Variants in PRKN observed in about 807,000 individuals in gnomAD.
The protein encoded by PRKN is E3 ubiquitin-protein ligase parkin.
In PRKN, 56 loss-of-function variants were observed where a neutral mutation model predicts 59.5. The ratio of observed to expected loss-of-function variants is 0.94; its 90% CI spans 0.76 to 1.18. The LOEUF is 1.18. Among genes scored for constraint, PRKN ranks in the 50% most tolerant of loss-of-function variants. The pLI is 0.00. For synonymous variants in PRKN, 250 were observed against 222.1 expected (o/e 1.13, Z -1.12); for missense variants, 657 against 596.4 (o/e 1.10, Z -1.06).
At chr6:162,230,300 G>T (rs1292181548) in intron 3 of PRKN, among the ~76,000 whole-genome samples, 1 of 152,224 alleles carries the variant, frequency 6.6e-6, no homozygotes, top group Non-Finnish European at 1.5e-5. Flanking sequence ...TATGACAACA[G>T]TGACGGTTCA....
chr6:162,407,055 G>C (rs1429714869), intron 2 of PRKN, among the ~76,000 whole-genome samples: 1 of 151,972 alleles, frequency 6.6e-6, no homozygotes, highest in Non-Finnish European at 1.5e-5. Context: ...CTAAACGAGG[G>C]TTGGAAATAC....
chr6:161,760,602 TC>T (rs750600823), intron 7 of PRKN, among the ~76,000 whole-genome samples: 2 of 151,924 alleles, frequency 1.3e-5, no homozygotes, highest in Non-Finnish European at 2.9e-5. Flanking sequence ...AGTCCCTGTT[TC>T]CCCCTTTTCT....
chr6:162,097,408 T>C (rs1779791753), intron 4 of PRKN, among the ~76,000 whole-genome samples: 1 of 152,170 alleles, frequency 6.6e-6, no homozygotes, highest in Admixed American at 6.5e-5. Context: ...ATTTGACAAA[T>C]GGATGACCGA....
chr6:161,670,347 G>A (rs1232082844), intron 7 of PRKN, among the ~76,000 whole-genome samples: 3 of 152,154 alleles, frequency 2.0e-5, no homozygotes, highest in African/African-American at 4.8e-5. Context: ...TGTTGGTGGA[G>A]CTGCTTCCTT....
intron 9 of PRKN, among the ~76,000 whole-genome samples, chr6:161,543,665 GTTTCTGGA>G (rs1779696287): frequency 6.6e-6 from 1 of 152,104 alleles, no homozygotes; most frequent in African/African-American, 2.4e-5. Flanking sequence ...GCCACATTTT[GTTTCTGGA>G]TTTCTAATTA....
intron 6 of PRKN, among the ~76,000 whole-genome samples, chr6:161,870,736 T>C (rs1382097203): frequency 6.6e-6 from 1 of 152,216 alleles, no homozygotes; most frequent in East Asian, 1.9e-4. Flanking sequence ...GATTAATTAC[T>C]GACCATATAT....
intron 7 of PRKN, among the ~76,000 whole-genome samples, chr6:161,594,318 AGC>A (rs1468515188): frequency 2.6e-5 from 4 of 152,190 alleles, no homozygotes; most frequent in Admixed American, 6.5e-5. Context: ...TCCCCATCCC[AGC>A]TCTGTCTTAT....
At chr6:161,818,950 G>A (rs552537120) in intron 6 of PRKN, among the ~76,000 whole-genome samples, 1 of 152,278 alleles carries the variant, frequency 6.6e-6, no homozygotes, top group African/African-American at 2.4e-5. Context: ...CATCTAACAT[G>A]TACTGTGGTT....
At chr6:161,995,294 T>C (rs1413610793) in intron 5 of PRKN, among the ~76,000 whole-genome samples, 1 of 152,006 alleles carries the variant, frequency 6.6e-6, no homozygotes, top group Non-Finnish European at 1.5e-5. Context: ...GACTTAAACA[T>C]AAAACCCCAA....
intron 8 of PRKN, among the ~76,000 whole-genome samples, chr6:161,567,409 T>C (rs142632458): frequency 6.6e-6 from 1 of 152,290 alleles, no homozygotes; most frequent in Non-Finnish European, 1.5e-5. Context: ...TAATATACAC[T>C]AAATGTGTTT....
rs1003225772 is a variant in PRKN at position 161,566,070 on chromosome 6, A to G, written c.933+3285T>C. Reference sequence around the variant, plus strand: ...ACATAGACATGCTGCAATTTTTCCCATTAAGAAGGTCATTTTCTTATCTCC... The same window carrying G: ...ACATAGACATGCTGCAATTTTTCCCGTTAAGAAGGTCATTTTCTTATCTCC... On this transcript the variant is annotated intron_variant, in intron 8 of 11. Coordinates refer to ENST00000366898, the MANE Select transcript of PRKN (RefSeq NM_004562.3). The surrounding 1 kb of genome is among the most constrained non-coding windows in gnomAD (Gnocchi z 4.1). Among the ~76,000 whole-genome samples, 2 of 152,120 alleles carry G rather than the reference A, an allele frequency of 1.3e-5. No homozygotes were observed. The highest frequency in any genetic ancestry group is 2.9e-5 in the Non-Finnish European group (2 of 68,008).
intron 6 of PRKN, among the ~76,000 whole-genome samples, chr6:161,891,386 C>T (rs1022496547): frequency 1.3e-5 from 2 of 152,172 alleles, no homozygotes; most frequent in Admixed American, 6.5e-5. Context: ...GAGGTTGAAG[C>T]TGAGATGCCA....
At chr6:162,024,744 CCAAA>C (rs1275474169) in intron 5 of PRKN, among the ~76,000 whole-genome samples, 1 of 151,968 alleles carries the variant, frequency 6.6e-6, no homozygotes, top group Admixed American at 6.6e-5. Context: ...TGGTGCAGTC[CCAAA>C]CAAAGATCTA....
intron 3 of PRKN, among the ~76,000 whole-genome samples, chr6:162,261,873 G>A (rs1779901259): frequency 6.6e-6 from 1 of 151,896 alleles, no homozygotes; most frequent in African/African-American, 2.4e-5. Context: ...ATTATGTTAG[G>A]CTTCCATCTT....
intron 4 of PRKN, among the ~76,000 whole-genome samples, chr6:162,124,380 A>C (rs1030274050): frequency 1.6e-4 from 25 of 152,326 alleles, no homozygotes; most frequent in Admixed American, 1.4e-3. Context: ...TCGCTGGGAA[A>C]GGGACAGAGC....
intron 8 of PRKN, among the ~76,000 whole-genome samples, chr6:161,553,619 T>C (rs1780122885): frequency 6.6e-6 from 1 of 152,216 alleles, no homozygotes; most frequent in Non-Finnish European, 1.5e-5. Flanking sequence ...AATTCAAACA[T>C]TCCTTCATTT....
intron 7 of PRKN, among the ~76,000 whole-genome samples, chr6:161,744,505 G>A (rs1379149366): frequency 6.6e-6 from 1 of 152,126 alleles, no homozygotes; most frequent in Non-Finnish European, 1.5e-5. Context: ...ACCAGCACCG[G>A]TTGCTCCATG....
chr6:161,829,107 T>G (rs953200103), intron 6 of PRKN, among the ~76,000 whole-genome samples: 3 of 152,068 alleles, frequency 2.0e-5, no homozygotes, highest in Non-Finnish European at 4.4e-5. Context: ...GTGCCTGTAA[T>G]CCCAGCTACT....
intron 7 of PRKN, among the ~76,000 whole-genome samples, chr6:161,784,705 A>C (rs1790343138): frequency 6.6e-6 from 1 of 152,218 alleles, no homozygotes; most frequent in South Asian, 2.1e-4. Flanking sequence ...GCAGCTGTGG[A>C]ACACAGTGGG....
Sources: allele counts gnomAD v4.1 joint callset (sites outside exome capture counted in the v4.1 genomes callset), GRCh38; gene constraint gnomAD v4.1.1; non-coding constraint Gnocchi (gnomAD v3.1); transcripts MANE v1.5; gene names NCBI Gene and HGNC (gene_info 2026-07-23, HGNC 2026-07-21).